The following SCN11A variants were observed in gnomAD, a reference collection of about 807,000 sequenced individuals.
SCN11A encodes the protein sodium voltage-gated channel alpha subunit 11, also known as sodium channel protein type 11 subunit alpha.
A neutral mutation model predicts 162.2 loss-of-function variants in SCN11A; 122 were observed. That is an observed-to-expected ratio of 0.75 (90% CI 0.65 to 0.87). SCN11A has a LOEUF of 0.87. SCN11A is among the 40% of genes least tolerant of loss of function. The pLI is 0.00. For missense variants in SCN11A, 2,015 were observed against 2,181.6 expected, an observed-to-expected ratio of 0.92 and a Z score of 1.52; for synonymous variants, 758 against 751.5, an observed-to-expected ratio of 1.01 and a Z score of -0.14.
intron 1 of SCN11A, among the ~76,000 whole-genome samples, chr3:39,034,219 T>C (rs1029014000): frequency 5.9e-5 from 9 of 151,630 alleles, no homozygotes; most frequent in African/African-American, 1.9e-4. Context: ...TACCAGCAAA[T>C]AGAATTCATC....
intron 13 of SCN11A, among the ~76,000 whole-genome samples, chr3:38,908,734 T>A (rs768264429): frequency 1.3e-5 from 2 of 152,190 alleles, no homozygotes; most frequent in African/African-American, 4.8e-5. Context: ...ATTTAGGGCA[T>A]GTCTTAGAAG....
At chr3:38,949,455 T>C (rs142950716) in intron 5 of SCN11A, among the ~76,000 whole-genome samples, 1 of 152,350 alleles carries the variant, frequency 6.6e-6, no homozygotes, top group Non-Finnish European at 1.5e-5. Context: ...ATGTGCCCAC[T>C]TGGTTACCAT....
chr3:38,867,608 CCTGT>C, intron 26 of SCN11A, 150 bp from the exon 27 acceptor site: 2 of 619,358 alleles, frequency 3.2e-6, no homozygotes, highest in African/African-American at 3.7e-5. Context: ...CTGTTGGGAG[CCTGT>C]CTTTCAGTTT....
At chr3:38,894,441 C>A in intron 19 of SCN11A, 92 bp downstream of exon 19, 1 of 1,047,944 alleles carries the variant, frequency 9.5e-7, no homozygotes, top group Non-Finnish European at 1.4e-6. Flanking sequence ...CCTTATTATC[C>A]TTGCATAGTG....
intron 26 of SCN11A, among the ~76,000 whole-genome samples, chr3:38,869,356 G>A (rs1404790968): frequency 6.6e-6 from 1 of 152,034 alleles, no homozygotes; most frequent in Admixed American, 6.6e-5. Context: ...GAGTACATTA[G>A]TATTTTTAAA....
chr3:38,967,072 ACTGT>A (rs770067885), intron 2 of SCN11A, among the ~76,000 whole-genome samples: 12 of 152,188 alleles, frequency 7.9e-5, no homozygotes, highest in Non-Finnish European at 1.6e-4. Context: ...CTCTCTAGAG[ACTGT>A]CTGAGGAACC....
chr3:38,874,581 AAAC>A (rs2065179213), intron 23 of SCN11A, among the ~76,000 whole-genome samples: 1 of 152,214 alleles, frequency 6.6e-6, no homozygotes, highest in South Asian at 2.1e-4. Context: ...CCATGTTTCA[AAAC>A]AATATATTTT....
chr3:38,992,278 G>C (rs1356453629), intron 2 of SCN11A, among the ~76,000 whole-genome samples: 1 of 152,228 alleles, frequency 6.6e-6, no homozygotes, highest in African/African-American at 2.4e-5. Flanking sequence ...TTAAGTTACA[G>C]AGTAAAGACC....
intron 2 of SCN11A, among the ~76,000 whole-genome samples, chr3:38,990,578 T>A (rs1291873991): frequency 1.3e-5 from 2 of 152,134 alleles, no homozygotes; most frequent in African/African-American, 4.8e-5. Flanking sequence ...AATGGTTTCC[T>A]ACTAGGAAGG....
chr3:38,872,257 T>C lies in SCN11A; in HGVS notation c.3431A>G (p.Lys1144Arg), dbSNP rs1559498739. Residue 1144 changes from lysine to arginine, a missense_variant, in exon 24 of 30, where the codon AAG (lysine) becomes AGG (arginine). Coordinates refer to ENST00000302328, the MANE Select transcript of SCN11A (RefSeq NM_001349253.2). ...CAGTGCTCGTAGAGTCCGGAAGGAC[T>C]TCAATTCCATTAAGTTAATGAGGGT... ...VTTLINLMEL[K>R]SFRTLRALRP... 1.2e-6 allele frequency: 2 copies of C among 1,609,394 alleles called. No homozygotes were observed. Among genetic ancestry groups the C allele is most frequent in the Non-Finnish European group, 1.7e-6 (2 of 1,175,934 alleles).
chr3:38,857,313 TACTC>T (rs1186555919), intron 28 of SCN11A, among the ~76,000 whole-genome samples: 2 of 151,638 alleles, frequency 1.3e-5, no homozygotes, highest in South Asian at 2.1e-4. Context: ...AAAGAAAAAA[TACTC>T]ACAACTTCTG....
rs1575238421 is a variant in SCN11A, at chr3:38,880,082, T to C, written c.3261A>G (p.Gln1087=). 1.2e-6 allele frequency: 2 copies of C among 1,611,890 alleles called. No homozygotes were observed. Among genetic ancestry groups the C allele is most frequent in the Non-Finnish European group, 1.7e-6 (2 of 1,178,462 alleles). ...DVHLENQPKI[Q]ELLNCTDIIF... ...TAATGTCAGTACAATTTAGTAATTC[T>C]TGGATTTTGGGTTGGTTCTCAAGGT... Residue 1087 remains glutamine, a synonymous_variant, in exon 23 of 30, where the codon CAA becomes CAG. Transcript: ENST00000302328.
At chr3:39,002,287 G>T (rs145494784) in intron 2 of SCN11A, among the ~76,000 whole-genome samples, 8 of 152,154 alleles carry the variant, frequency 5.3e-5, no homozygotes, top group Non-Finnish European at 2.9e-5. Flanking sequence ...CAAATATTGT[G>T]ATTTATTTTG....
intron 9 of SCN11A, among the ~76,000 whole-genome samples, chr3:38,923,213 T>C (rs1172484094): frequency 6.6e-6 from 1 of 152,138 alleles, no homozygotes; most frequent in African/African-American, 2.4e-5. Flanking sequence ...TGGTTTCTCC[T>C]CTTCTCCCTT....
chr3:39,031,790 C>T (rs375378226), intron 2 of SCN11A, among the ~76,000 whole-genome samples: 6 of 152,238 alleles, frequency 3.9e-5, no homozygotes, highest in East Asian at 1.9e-4. Flanking sequence ...AGAAATTATG[C>T]GGCTTCTTAG....
At chr3:39,042,513 G>A (rs2032072251) in intron 1 of SCN11A, among the ~76,000 whole-genome samples, 3 of 152,018 alleles carry the variant, frequency 2.0e-5, no homozygotes, top group Admixed American at 1.3e-4. Flanking sequence ...ATTCCGCACA[G>A]CAAAGGAAAA....
At chr3:38,920,502 C>A (rs2066031254) in intron 10 of SCN11A, among the ~76,000 whole-genome samples, 1 of 152,030 alleles carries the variant, frequency 6.6e-6, no homozygotes, top group African/African-American at 2.4e-5. Flanking sequence ...ATCATCCTGG[C>A]CAACATGGTG....
At chr3:38,911,539 G>A (rs1229585744) in intron 11 of SCN11A, among the ~76,000 whole-genome samples, 1 of 152,118 alleles carries the variant, frequency 6.6e-6, no homozygotes, top group Non-Finnish European at 1.5e-5. Flanking sequence ...TGAGGGACTT[G>A]CATCTTTAGT....
intron 2 of SCN11A, among the ~76,000 whole-genome samples, chr3:39,018,169 G>A (rs2031346286): frequency 6.6e-6 from 1 of 152,102 alleles, no homozygotes; most frequent in Non-Finnish European, 1.5e-5. Context: ...GTGAACCCTG[G>A]GCACTGTTAC....
Sources: allele counts gnomAD v4.1 joint callset (sites outside exome capture counted in the v4.1 genomes callset), GRCh38; gene constraint gnomAD v4.1.1; transcripts MANE v1.5; gene names NCBI Gene and HGNC (gene_info 2026-07-23, HGNC 2026-07-21).